The following GNG7 variants were observed in gnomAD, a reference collection of about 807,000 sequenced individuals.
GNG7 encodes the protein guanine nucleotide-binding protein G(I)/G(S)/G(O) subunit gamma-7.
GNG7 carries 1 observed loss-of-function variant against 4.0 expected under a neutral mutation model. The observed-to-expected ratio is 0.25, with a 90% CI of 0.09 to 1.18. The LOEUF is 1.18. Ranked by LOEUF, GNG7 falls within the 50% of genes most tolerant of loss-of-function variation. The probability of loss-of-function intolerance (pLI) is 0.50; values close to 1 mark genes in which losing one functional copy is unlikely to be tolerated. For synonymous variants in GNG7, 34 were observed against 36.9 expected (o/e 0.92, Z 0.29); for missense variants, 86 against 91.9 (o/e 0.94, Z 0.26).
At chr19:2,599,248 G>T (rs1407523725) in intron 2 of GNG7, among the ~76,000 whole-genome samples, 1 of 152,028 alleles carries the variant, frequency 6.6e-6, no homozygotes, top group Non-Finnish European at 1.5e-5. Context: ...CTTTCCCCTC[G>T]CTGACTTGGT....
chr19:2,679,612 TTCCA>T (rs1315606748), intron 1 of GNG7, among the ~76,000 whole-genome samples: 2 of 152,184 alleles, frequency 1.3e-5, no homozygotes, highest in Non-Finnish European at 2.9e-5. Context: ...CATGCCTACA[TTCCA>T]GAAAACTCTA....
At position 2,512,281 on chromosome 19, in the gene GNG7, G is replaced by T; in HGVS notation, c.*2741C>A. On this transcript the variant is annotated 3_prime_UTR_variant, in exon 5 of 5. Transcript: ENST00000382159. This position sits in a 1 kb window ranked among gnomAD's most constrained non-coding sequence, Gnocchi z 4.7. ...TTCCCGGCAGAAAAGCACATGTGGC[G>T]GTCGGTGTGTGCACTCGGGTGCCAC... 4.1e-6 allele frequency: 4 copies of T among 985,848 alleles called. No individual in the cohort carries two copies. Among genetic ancestry groups the T allele is most frequent in the Non-Finnish European group, 4.8e-6 (4 of 829,946 alleles). 61.1% of individuals were successfully genotyped at this position (985,848 alleles called of 1,614,324 possible).
At chr19:2,630,864 T>C (rs1982141849) in intron 2 of GNG7, 1 of 152,002 alleles carries the variant, frequency 6.6e-6, no homozygotes, top group African/African-American at 2.4e-5. Context: ...TACGCAGCCA[T>C]AGCTAGCTAA....
At chr19:2,628,761 C>G (rs1374199672) in intron 2 of GNG7, among the ~76,000 whole-genome samples, 2 of 151,624 alleles carry the variant, frequency 1.3e-5, no homozygotes, top group Non-Finnish European at 1.5e-5. Context: ...CTTCTGGTCT[C>G]TTTTATGGGC....
At position 2,553,941 on chromosome 19, in the gene GNG7, ATAT is replaced by A. The variant is rs533525330; in HGVS notation, c.-38+1205_-38+1207del. Among the ~76,000 whole-genome samples the A allele has an allele frequency of 2.1e-4, 30 of 144,018 alleles. No individual in the cohort carries two copies. In the East Asian group the frequency reaches 5.6e-3, roughly 27 times the overall value. The allele number at this position is 144,018 out of a possible 152,430, so 94.5% of individuals were successfully genotyped here. The stretch of plus-strand genomic sequence containing the variant: ...TTGCATGTAATATATTGTATGTAAT[ATAT>A]TATATGTAATATATATTACACATAT... On this transcript the variant is annotated intron_variant, in intron 3 of 4. Coordinates refer to ENST00000382159, the MANE Select transcript of GNG7 (RefSeq NM_052847.3).
intron 3 of GNG7, among the ~76,000 whole-genome samples, chr19:2,554,147 CTATAA>C (rs1405655700): frequency 1.4e-5 from 2 of 145,604 alleles, no homozygotes; most frequent in Non-Finnish European, 3.0e-5. Context: ...TAGCAGTGAA[CTATAA>C]TATATTATAT....
In GNG7 at chr19:2,669,880, G is replaced by A. The variant is rs187273276; in HGVS notation, c.-134-23600C>T. The stretch of plus-strand genomic sequence containing the variant: ...CAAAAATTAGCCAGGCGTGGTGGCG[G>A]GTACCTATAATCCCAGCTACTCGGG... On this transcript the variant is annotated intron_variant, in intron 1 of 4. Coordinates refer to ENST00000382159, the MANE Select transcript of GNG7 (RefSeq NM_052847.3). Among the ~76,000 whole-genome samples, 972 of 151,718 alleles carry A rather than the reference G, an allele frequency of 6.4e-3. 14 individuals carry two copies. The highest frequency in any genetic ancestry group is 0.022 in the African/African-American group (913 of 41,330).
intron 2 of GNG7, among the ~76,000 whole-genome samples, chr19:2,587,721 C>G (rs1475255458): frequency 6.6e-6 from 1 of 151,958 alleles, no homozygotes; most frequent in Non-Finnish European, 1.5e-5. Context: ...GTCTCAGCCT[C>G]CAGGAGCTAC....
chr19:2,651,568 TC>T (rs1982831576), intron 1 of GNG7, among the ~76,000 whole-genome samples: 11 of 147,930 alleles, frequency 7.4e-5, no homozygotes, highest in Admixed American at 3.4e-4. Flanking sequence ...TCTCTCTCTC[TC>T]TCTCTCTTTT....
intron 2 of GNG7, among the ~76,000 whole-genome samples, chr19:2,572,371 G>A (rs1980173742): frequency 6.6e-6 from 1 of 151,898 alleles, no homozygotes; most frequent in Admixed American, 6.6e-5. Context: ...TAGGCTGGTC[G>A]AGCAAGTTTT....
At chr19:2,541,029 G>A (rs1978944801) in intron 3 of GNG7, among the ~76,000 whole-genome samples, 1 of 152,270 alleles carries the variant, frequency 6.6e-6, no homozygotes, top group Admixed American at 6.5e-5. Flanking sequence ...TAAAAGGACA[G>A]GAATGTCAAG....
chr19:2,617,682 C>T lies in GNG7; in HGVS notation c.-78+28542G>A, dbSNP rs2144829039. On this transcript the variant is annotated intron_variant, in intron 2 of 4. Transcript: ENST00000382159. This position sits in a 1 kb window ranked among gnomAD's most constrained non-coding sequence, Gnocchi z 4.7. ...GACACCACGTGGCACAGACTCTCTC[C>T]TCTTGGTGCCACCTCATCCTATTTT... Among the ~76,000 whole-genome samples, 1 of 152,092 alleles carries T rather than the reference C, an allele frequency of 6.6e-6. No individual in the cohort carries two copies. Among genetic ancestry groups the T allele is most frequent in the Non-Finnish European group, 1.5e-5 (1 of 68,016 alleles).
intron 3 of GNG7, among the ~76,000 whole-genome samples, chr19:2,530,479 G>A (rs1978547909): frequency 6.6e-6 from 1 of 150,728 alleles, no homozygotes. Flanking sequence ...CCAGCACTTT[G>A]GGAGGCTGAG....
intron 1 of GNG7, among the ~76,000 whole-genome samples, chr19:2,674,913 C>A (rs777996275): frequency 6.6e-6 from 1 of 152,160 alleles, no homozygotes; most frequent in Non-Finnish European, 1.5e-5. Context: ...TGCCATTGTA[C>A]GTCACCAGAA....
In GNG7 at chr19:2,651,843, C is replaced by T. The variant is rs142772521; in HGVS notation, c.-134-5563G>A. ...GGCCTCCCAAAGTGCTGGGATGACA[C>T]GCATGAGCCACCGTGCCTGACCAAT... is the stretch of plus-strand genomic sequence containing the variant. On this transcript the variant is annotated intron_variant, in intron 1 of 4. Transcript: ENST00000382159. 5.2e-3 allele frequency among the ~76,000 whole-genome samples: 784 copies of T among 151,610 alleles called. 7 individuals carry two copies. The highest frequency in any genetic ancestry group is 0.017 in the African/African-American group (724 of 41,410).
intron 2 of GNG7, among the ~76,000 whole-genome samples, chr19:2,579,219 G>C (rs1980430485): frequency 1.3e-5 from 2 of 152,222 alleles, no homozygotes; most frequent in Non-Finnish European, 2.9e-5. Context: ...GGACACACCT[G>C]ACTCGGACCA....
In GNG7 at chr19:2,557,656, G is replaced by T. The variant is rs1415712840; in HGVS notation, c.-77-2468C>A. Among the ~76,000 whole-genome samples, 1 of 152,134 alleles carries T rather than the reference G, an allele frequency of 6.6e-6. No homozygotes were observed. The highest frequency in any genetic ancestry group is 2.4e-5 in the African/African-American group (1 of 41,428). Reference sequence around the variant, plus strand: ...AGTGCGATGTGCCCAGGCCAGCCCGGTGTGACCTCAGCTCCTGATCCATAA... The same window carrying T: ...AGTGCGATGTGCCCAGGCCAGCCCGTTGTGACCTCAGCTCCTGATCCATAA... On this transcript the variant is annotated intron_variant, in intron 2 of 4. Coordinates refer to ENST00000382159, the MANE Select transcript of GNG7 (RefSeq NM_052847.3). This position sits in a 1 kb window ranked among gnomAD's most constrained non-coding sequence, Gnocchi z 5.1.
intron 1 of GNG7, among the ~76,000 whole-genome samples, chr19:2,674,195 C>T (rs1281758448): frequency 7.1e-6 from 1 of 141,246 alleles, no homozygotes; most frequent in Non-Finnish European, 1.6e-5. Context: ...AACCTGGGAG[C>T]CAGAGGTTGC....
intron 1 of GNG7, among the ~76,000 whole-genome samples, chr19:2,676,913 C>G (rs1186199037): frequency 1.3e-5 from 2 of 152,138 alleles, no homozygotes; most frequent in African/African-American, 4.8e-5. Flanking sequence ...GCCACTTGCT[C>G]CGATCTGCAC....
Sources: gnomAD v4.1 joint callset for allele counts (sites outside exome capture counted in the v4.1 genomes callset) on GRCh38, gnomAD v4.1.1 for gene constraint, Gnocchi (gnomAD v3.1) non-coding constraint, MANE v1.5 for transcripts, NCBI Gene and HGNC (gene_info 2026-07-23, HGNC 2026-07-21) for gene names.